The following MED27 variants were observed in gnomAD, a reference collection of about 807,000 sequenced individuals.
MED27 encodes mediator complex subunit 27, also known as mediator of RNA polymerase II transcription subunit 27.
A neutral mutation model predicts 38.2 loss-of-function variants in MED27; 30 were observed. That is an observed-to-expected ratio of 0.79 (90% CI 0.59 to 1.07). The LOEUF (loss-of-function observed/expected upper bound fraction) is 1.07, where lower values mean the gene tolerates loss of function less well. Ranked by LOEUF, MED27 falls within the 50% of genes least tolerant of loss-of-function variation. MED27 has a pLI of 0.00. For missense variants in MED27, 289 were observed against 397.5 expected (o/e 0.73, Z 2.32); for synonymous variants, 122 against 153.5 (o/e 0.79, Z 1.52).
chr9:131,952,555 C>T (rs1831020229), intron 3 of MED27, among the ~76,000 whole-genome samples: 1 of 152,246 alleles, frequency 6.6e-6, no homozygotes, highest in Non-Finnish European at 1.5e-5. Context: ...GTGGTCTGTG[C>T]CCCAAAAAGC....
At chr9:131,864,198 A>G (rs536004475) in intron 6 of MED27, among the ~76,000 whole-genome samples, 1 of 152,308 alleles carries the variant, frequency 6.6e-6, no homozygotes, top group South Asian at 2.1e-4. Flanking sequence ...AAAACAAAAC[A>G]GGCCAGGTGC....
At chr9:131,863,224 G>T in intron 6 of MED27, 84 bp from the exon 7 acceptor site, 1 of 1,081,502 alleles carries the variant, frequency 9.2e-7, no homozygotes, top group Non-Finnish European at 1.4e-6. Context: ...CGCCTTCTGT[G>T]TGAAAACAGA....
chr9:132,073,890 C>A, intron 2 of MED27: 1 of 1,134,536 alleles, frequency 8.8e-7, no homozygotes, highest in Non-Finnish European at 1.2e-6. Context: ...ACGTCTTAGT[C>A]TGCTTTTCCA....
intron 3 of MED27, among the ~76,000 whole-genome samples, chr9:131,987,799 A>G (rs1831886215): frequency 6.6e-6 from 1 of 151,886 alleles, no homozygotes; most frequent in African/African-American, 2.4e-5. Context: ...AATGGGTACA[A>G]GAAAACCTCA....
intron 2 of MED27, among the ~76,000 whole-genome samples, chr9:132,039,476 C>T (rs1028283586): frequency 6.6e-6 from 1 of 152,228 alleles, no homozygotes; most frequent in African/African-American, 2.4e-5. Context: ...CAATAAGTGC[C>T]GGCCATTGTC....
chr9:131,861,888 C>T lies in MED27; in HGVS notation c.801+1175G>A, dbSNP rs575685965. Reference sequence around the variant, plus strand: ...AACTCCTGGGCTCAAGCGATCCTCCCGCTTCAGCCTCCTGAGTGGAGTCAC... The same window carrying T: ...AACTCCTGGGCTCAAGCGATCCTCCTGCTTCAGCCTCCTGAGTGGAGTCAC... On this transcript the variant is annotated intron_variant, in intron 7 of 7. Coordinates refer to ENST00000292035, the MANE Select transcript of MED27 (RefSeq NM_004269.4). This position sits in a 1 kb window ranked among gnomAD's most constrained non-coding sequence, Gnocchi z 4.4. Among the ~76,000 whole-genome samples the T allele has an allele frequency of 8.5e-5, 13 of 152,244 alleles. No individual in the cohort carries two copies. Among genetic ancestry groups the T allele is most frequent in the South Asian group, 2.1e-4 (1 of 4,818 alleles).
At chr9:132,058,016 C>A (rs1197883269) in intron 2 of MED27, among the ~76,000 whole-genome samples, 1 of 152,048 alleles carries the variant, frequency 6.6e-6, no homozygotes, top group Admixed American at 6.5e-5. Flanking sequence ...AATGTTCTAT[C>A]CTCAAGAAAA....
chr9:132,046,388 TAGCTATTTTGGAA>T (rs1833338283), intron 2 of MED27, among the ~76,000 whole-genome samples: 1 of 152,102 alleles, frequency 6.6e-6, no homozygotes. Context: ...TAAACTGGTA[TAGCTATTTTGGAA>T]AGCAATTTAG....
intron 2 of MED27, among the ~76,000 whole-genome samples, chr9:132,040,886 T>G (rs867572339): frequency 6.6e-6 from 1 of 152,234 alleles, no homozygotes; most frequent in Middle Eastern, 3.4e-3. Context: ...ATGTTGAGAT[T>G]AGGGGAGGGG....
At chr9:132,063,751 T>C (rs905198152) in intron 2 of MED27, among the ~76,000 whole-genome samples, 1 of 152,072 alleles carries the variant, frequency 6.6e-6, no homozygotes, top group East Asian at 1.9e-4. Flanking sequence ...ACCGCTCAAG[T>C]GTTCAGGGGC....
intron 2 of MED27, among the ~76,000 whole-genome samples, chr9:132,071,458 G>A (rs1356783734): frequency 6.6e-6 from 1 of 150,944 alleles, no homozygotes; most frequent in East Asian, 2.0e-4. Flanking sequence ...GCACACACAC[G>A]AGTAACACAC....
chr9:131,867,864 T>C (rs1383623856), intron 6 of MED27, among the ~76,000 whole-genome samples: 1 of 152,224 alleles, frequency 6.6e-6, no homozygotes, highest in East Asian at 1.9e-4. Context: ...GCGTTGGCAC[T>C]GCCAGCTGAC....
At chr9:131,879,154 G>A (rs1838991004) in intron 6 of MED27, among the ~76,000 whole-genome samples, 1 of 152,240 alleles carries the variant, frequency 6.6e-6, no homozygotes, top group Non-Finnish European at 1.5e-5. Flanking sequence ...AAGCCAGCGG[G>A]TCAGGCACGG....
At chr9:131,904,025 A>T (rs1043075323) in intron 4 of MED27, among the ~76,000 whole-genome samples, 1 of 151,272 alleles carries the variant, frequency 6.6e-6, no homozygotes, top group Admixed American at 6.6e-5. Flanking sequence ...CTGCCTCCTG[A>T]GTAGCTGGGA....
At chr9:131,956,614 C>CA (rs754763103) in intron 3 of MED27, among the ~76,000 whole-genome samples, 1,298 of 64,412 alleles carry the variant, frequency 0.02, 13 homozygotes, top group African/African-American at 0.051. Flanking sequence ...GACTCCGCCT[C>CA]AAAAAAAAAA....
At chr9:131,983,039 G>A (rs1831774402) in intron 3 of MED27, among the ~76,000 whole-genome samples, 1 of 152,208 alleles carries the variant, frequency 6.6e-6, no homozygotes, top group Admixed American at 6.5e-5. Context: ...CCATGCTGCT[G>A]ATCCACAGAC....
At chr9:132,079,090 A>C (rs1834117419) in intron 1 of MED27, among the ~76,000 whole-genome samples, 1 of 151,970 alleles carries the variant, frequency 6.6e-6, no homozygotes, top group African/African-American at 2.4e-5. Context: ...GGAGTGAGGA[A>C]ACTGATCAGG....
chr9:131,866,538 T>C (rs958400652), intron 6 of MED27, among the ~76,000 whole-genome samples: 1 of 152,266 alleles, frequency 6.6e-6, no homozygotes, highest in South Asian at 2.1e-4. Context: ...CCATCTTGCC[T>C]GTCTCAACAC....
intron 4 of MED27, among the ~76,000 whole-genome samples, chr9:131,895,098 C>G (rs1005771096): frequency 6.6e-6 from 1 of 152,208 alleles, no homozygotes; most frequent in Non-Finnish European, 1.5e-5. Flanking sequence ...TACTTCCTAA[C>G]CAGCAGAACT....
Sources: gnomAD v4.1 joint callset for allele counts (sites outside exome capture counted in the v4.1 genomes callset) on GRCh38, gnomAD v4.1.1 for gene constraint, Gnocchi (gnomAD v3.1) non-coding constraint, MANE v1.5 for transcripts, NCBI Gene and HGNC (gene_info 2026-07-23, HGNC 2026-07-21) for gene names.